The following GLI1 variants were observed in gnomAD, a reference collection of about 807,000 sequenced individuals.
The protein encoded by GLI1 is GLI family zinc finger 1.
A neutral mutation model predicts 87.8 loss-of-function variants in GLI1; 51 were observed. The observed-to-expected ratio is 0.58, with a 90% CI of 0.46 to 0.73. GLI1 has a LOEUF of 0.73. GLI1 is among the 30% of genes least tolerant of loss of function. The probability of loss-of-function intolerance (pLI) is 0.00; values close to 1 mark genes in which losing one functional copy is unlikely to be tolerated. For synonymous variants in GLI1, 528 were observed against 558.2 expected, an observed-to-expected ratio of 0.95 and a Z score of 0.76; for missense variants, 1,292 against 1,437.2, an observed-to-expected ratio of 0.90 and a Z score of 1.63.
Position 57,465,219 on chromosome 12 carries a change from A to C in GLI1, c.498A>C (p.Pro166=). 1.9e-6 allele frequency: 3 copies of C among 1,613,638 alleles called. No individual in the cohort carries two copies. Among genetic ancestry groups the C allele is most frequent in the Non-Finnish European group, 2.5e-6 (3 of 1,179,906 alleles). Residue 166 remains proline, a synonymous_variant, in exon 5 of 12, where the codon CCA becomes CCC. Transcript: ENST00000228682. ...PHDSARGGMI[P]HPQSRGPFPT... ...ACTCTGCCCGGGGTGGGATGATCCC[A>C]CATCCTCAGTCCCGGGGACCCTTCC...
chr12:57,470,768 T>G lies in GLI1; in HGVS notation c.2028T>G (p.Phe676Leu). The G allele has an allele frequency of 6.2e-7, 1 of 1,613,338 alleles. No individual in the cohort carries two copies. Among genetic ancestry groups the G allele is most frequent in the Non-Finnish European group, 8.5e-7 (1 of 1,179,722 alleles). The change falls in exon 12 of 12, where the codon TTT (phenylalanine) becomes TTG (leucine). Residue 676 changes from phenylalanine to leucine, a missense_variant. Around this residue, in one of 3 missense-constraint regions of GLI1, gnomAD observed 897 missense variants for 1,040.7 expected, o/e 0.86. Coordinates refer to ENST00000228682, the MANE Select transcript of GLI1 (RefSeq NM_005269.3). ...CTGTGGCAGGGGGAGGACAGAACTT[T>G]GATCCTTACCTCCCAACCTCTGTCT... ...PPTVAGGGQN[F>L]DPYLPTSVYS...
At chr12:57,461,895 G>T (rs956362345) in intron 1 of GLI1, among the ~76,000 whole-genome samples, 2 of 152,196 alleles carry the variant, frequency 1.3e-5, no homozygotes, top group African/African-American at 4.8e-5. Flanking sequence ...GAACCCTAGA[G>T]CTCCCTGTCC....
In GLI1 at chr12:57,471,828, G is replaced by A. The variant is rs1027428919; in HGVS notation, c.3088G>A (p.Glu1030Lys). The change falls in exon 12 of 12, where the codon GAA becomes AAA. Residue 1030 changes from glutamate to lysine, a missense_variant. Glu to Lys is a moderately conservative substitution (Grantham distance 56). Coordinates refer to ENST00000228682, the MANE Select transcript of GLI1 (RefSeq NM_005269.3). The surrounding 1 kb of genome is among the most constrained non-coding windows in gnomAD (Gnocchi z 4.9). ...GGGTCCTGCCTTGTACCCTCCTCCCGAAGGACAGGTATGTAACCCCCTGGA... is the reference window on the plus strand; with the variant it reads ...GGGTCCTGCCTTGTACCCTCCTCCCAAAGGACAGGTATGTAACCCCCTGGA... ...GGGPALYPPP[E>K]GQVCNPLDSL... The A allele has an allele frequency of 9.6e-6, 15 of 1,565,584 alleles. No homozygotes were observed. The East Asian group carries it at 1.6e-4, about 16-fold the overall frequency.
Position 57,464,070 on chromosome 12 carries a change from G to C in GLI1, c.172G>C (p.Glu58Gln), listed in dbSNP as rs1362862333. 3.1e-6 allele frequency: 5 copies of C among 1,611,398 alleles called. No homozygotes were observed. In the Admixed American group the frequency reaches 8.3e-5, roughly 27 times the overall value. ...CCCCCACAGTTATGGGCCAGCCAGAGAGACCAACAGCTGCACCGAGGGTGA... is the reference window on the plus strand; with the variant it reads ...CCCCCACAGTTATGGGCCAGCCAGACAGACCAACAGCTGCACCGAGGGTGA... ...SGPHSYGPARETNSCTEGPLF... is the reference protein window; with the variant it reads ...SGPHSYGPARQTNSCTEGPLF... Residue 58 changes from glutamate to glutamine, a missense_variant, in exon 3 of 12, where the codon GAG (glutamate) becomes CAG (glutamine). Glu to Gln is a conservative substitution (Grantham distance 29, BLOSUM62 2). Transcript: ENST00000228682.
At position 57,465,114 on chromosome 12, in the gene GLI1, A is replaced by T; in HGVS notation, c.393A>T (p.Pro131=). 1 of 1,613,976 alleles carries T rather than the reference A, an allele frequency of 6.2e-7. No individual in the cohort carries two copies. Among genetic ancestry groups the T allele is most frequent in the Non-Finnish European group, 8.5e-7 (1 of 1,179,852 alleles). ...AACTGCCTCCTCTCCTCCTCAGCCC[A>T]TCTCTGGGATTCCCAGCCCAGATGA... is the stretch of plus-strand genomic sequence containing the variant. ...YGHLSIGTMS[P]SLGFPAQMNH... Residue 131 remains proline, a synonymous_variant, in exon 5 of 12, where the codon CCA becomes CCT. Coordinates refer to ENST00000228682, the MANE Select transcript of GLI1 (RefSeq NM_005269.3).
At chr12:57,469,201 A>G (rs902370156) in intron 10 of GLI1, among the ~76,000 whole-genome samples, 2 of 152,232 alleles carry the variant, frequency 1.3e-5, no homozygotes, top group Admixed American at 6.5e-5. Context: ...CCAAGGTCAT[A>G]GAACTAAGAG....
intron 2 of GLI1, 68 bp from the exon 3 acceptor site, chr12:57,463,931 C>T: frequency 2.4e-6 from 3 of 1,253,496 alleles, no homozygotes; most frequent in Non-Finnish European, 3.5e-6. Context: ...GGGATCAGGT[C>T]ATGTCTGGGG....
At chr12:57,467,908 CCT>C in intron 9 of GLI1, 84 bp from the exon 10 acceptor site, 1 of 912,526 alleles carries the variant, frequency 1.1e-6, no homozygotes, top group South Asian at 1.4e-5. Context: ...TCCCCTGCCC[CCT>C]GTGTTGTCAC....
rs924399161 is a variant in GLI1, at chr12:57,470,986, G to A, written c.2246G>A (p.Gly749Asp). The A allele has an allele frequency of 1.2e-6, 2 of 1,612,686 alleles. No homozygotes were observed. Among genetic ancestry groups the A allele is most frequent in the Non-Finnish European group, 1.7e-6 (2 of 1,179,316 alleles). ...AAEPYGARGP[G>D]SLPLGPGPPT... Reference sequence around the variant, plus strand: ...GAGCCTTATGGAGCGAGGGGTCCAGGCTCTCTGCCTCTTGGGCCTGGTCCA... The same window carrying A: ...GAGCCTTATGGAGCGAGGGGTCCAGACTCTCTGCCTCTTGGGCCTGGTCCA... Residue 749 changes from glycine to aspartate, a missense_variant, in exon 12 of 12, where the codon GGC becomes GAC. Physicochemically the swap from Gly to Asp is moderately conservative, Grantham distance 94 (BLOSUM62 -1). This residue lies in a region of GLI1 where 897 missense variants were observed against 1,040.7 expected (regional missense o/e 0.86). Coordinates refer to ENST00000228682, the MANE Select transcript of GLI1 (RefSeq NM_005269.3).
Position 57,464,055 on chromosome 12 carries a change from T to C in GLI1, c.157T>C (p.Tyr53His). ...QANLMSGPHS[Y>H]GPARETNSCT... The stretch of plus-strand genomic sequence containing the variant: ...TAACCTCATGTCCGGCCCCCACAGT[T>C]ATGGGCCAGCCAGAGAGACCAACAG... The change falls in exon 3 of 12, where the codon TAT becomes CAT. Residue 53 changes from tyrosine (Y) to histidine (H), a missense_variant. Coordinates refer to ENST00000228682, the MANE Select transcript of GLI1 (RefSeq NM_005269.3). The C allele has an allele frequency of 6.2e-7, 1 of 1,613,694 alleles. No individual in the cohort carries two copies. Among genetic ancestry groups the C allele is most frequent in the Non-Finnish European group, 8.5e-7 (1 of 1,179,636 alleles).
At chr12:57,462,817 T>G (rs1163918894) in intron 1 of GLI1, among the ~76,000 whole-genome samples, 1 of 152,152 alleles carries the variant, frequency 6.6e-6, no homozygotes, top group Non-Finnish European at 1.5e-5. Context: ...TGGCTCTGTG[T>G]CGGGACTGTG....
rs764155302 is a variant in GLI1 at position 57,470,470 on chromosome 12, C to A, written c.1730C>A (p.Ser577Tyr). The A allele has an allele frequency of 1.2e-6, 2 of 1,614,052 alleles. No individual in the cohort carries two copies. The highest frequency in any genetic ancestry group is 1.7e-6 in the Non-Finnish European group (2 of 1,180,002). Residue 577 changes from serine to tyrosine, a missense_variant, in exon 12 of 12, where the codon TCC becomes TAC. This residue lies in a region of GLI1 where 897 missense variants were observed against 1,040.7 expected (regional missense o/e 0.86). Transcript: ENST00000228682. ...PGSPPENGAS[S>Y]LPGLMPAQHY... Reference sequence around the variant, plus strand: ...TCCCCACCAGAGAATGGAGCATCCTCCCTGCCTGGCCTTATGCCTGCCCAG... The same window carrying A: ...TCCCCACCAGAGAATGGAGCATCCTACCTGCCTGGCCTTATGCCTGCCCAG...
At chr12:57,468,730 G>A (rs1236669517) in intron 10 of GLI1, among the ~76,000 whole-genome samples, 1 of 151,430 alleles carries the variant, frequency 6.6e-6, no homozygotes, top group Non-Finnish European at 1.5e-5. Flanking sequence ...CCACAGTGCT[G>A]GGATGAGCCA....
intron 3 of GLI1, 54 bp from the exon 4 acceptor site, chr12:57,464,619 G>A: frequency 7.6e-7 from 1 of 1,314,316 alleles, no homozygotes; most frequent in Admixed American, 1.8e-5. Context: ...TAGGTTAGGT[G>A]CATGGAGAGA....
intron 8 of GLI1, 25 bp from the exon 9 acceptor site, chr12:57,467,308 C>A (rs767616101): frequency 1.3e-6 from 2 of 1,584,514 alleles, no homozygotes; most frequent in Non-Finnish European, 1.7e-6. Flanking sequence ...TGAGAACTAT[C>A]CTTTGACCCC....
Position 57,470,714 on chromosome 12 carries a change from G to A in GLI1, c.1974G>A (p.Lys658=). ...RPAPARVQRF[K]SLGCVHTPPT... ...CTCCAGCTAGAGTCCAGAGGTTCAA[G>A]AGCCTGGGCTGTGTCCATACCCCAC... Residue 658 remains lysine (K), a synonymous_variant, in exon 12 of 12, where the codon AAG becomes AAA. Transcript: ENST00000228682. 6.2e-7 allele frequency: 1 copy of A among 1,612,606 alleles called. No individual in the cohort carries two copies. The highest frequency in any genetic ancestry group is 8.5e-7 in the Non-Finnish European group (1 of 1,179,310).
At position 57,471,369 on chromosome 12, in the gene GLI1, C is replaced by T; in HGVS notation, c.2629C>T (p.Pro877Ser). 1 of 1,603,494 alleles carries T rather than the reference C, an allele frequency of 6.2e-7. No homozygotes were observed. Among genetic ancestry groups the T allele is most frequent in the Non-Finnish European group, 8.5e-7 (1 of 1,173,836 alleles). The change falls in exon 12 of 12, where the codon CCC becomes TCC. Residue 877 changes from proline to serine, a missense_variant. By Grantham distance (74) the Pro-to-Ser change is moderately conservative. Coordinates refer to ENST00000228682, the MANE Select transcript of GLI1 (RefSeq NM_005269.3). This position sits in a 1 kb window ranked among gnomAD's most constrained non-coding sequence, Gnocchi z 4.9. ...ACCCCCTGATTATCTTCCTTCAGAA[C>T]CCAGGCCTTGCCTGGACTTTGATTC... is the stretch of plus-strand genomic sequence containing the variant. ...QPPPDYLPSE[P>S]RPCLDFDSPT...
intron 1 of GLI1, 54 bp from the exon 2 acceptor site, chr12:57,463,611 C>T: frequency 1.2e-6 from 1 of 849,996 alleles, no homozygotes; most frequent in Non-Finnish European, 2.0e-6. Context: ...CCTGAGACTG[C>T]TGTCTGACAG....
Position 57,471,846 on chromosome 12 carries a change from C to A in GLI1, c.3106C>A (p.Pro1036Thr), listed in dbSNP as rs763752118. ...TCCTCCCGAAGGACAGGTATGTAAC[C>A]CCCTGGACTCTCTTGATCTTGACAA... ...YPPPEGQVCN[P>T]LDSLDLDNTQ... Residue 1036 changes from proline (P) to threonine (T), a missense_variant, in exon 12 of 12, where the codon CCC becomes ACC. Coordinates refer to ENST00000228682, the MANE Select transcript of GLI1 (RefSeq NM_005269.3). The surrounding 1 kb of genome is among the most constrained non-coding windows in gnomAD (Gnocchi z 4.9). 3 of 1,580,382 alleles carry A rather than the reference C, an allele frequency of 1.9e-6. No homozygotes were observed. Among genetic ancestry groups the A allele is most frequent in the South Asian group, 1.2e-5 (1 of 84,924 alleles).
Sources: allele counts gnomAD v4.1 joint callset (sites outside exome capture counted in the v4.1 genomes callset), GRCh38; gene constraint gnomAD v4.1.1; regional missense constraint gnomAD v4.1.1; non-coding constraint Gnocchi (gnomAD v3.1); transcripts MANE v1.5; gene names NCBI Gene and HGNC (gene_info 2026-07-23, HGNC 2026-07-21).